CDK14: variants seen among roughly 807,000 people sequenced by gnomAD.
CDK14 encodes cyclin-dependent kinase 14.
A neutral mutation model predicts 60.7 loss-of-function variants in CDK14; 34 were observed. That is an observed-to-expected ratio of 0.56 (90% CI 0.43 to 0.75). The LOEUF (loss-of-function observed/expected upper bound fraction) is 0.75, where lower values mean the gene tolerates loss of function less well. CDK14 is among the 30% of genes least tolerant of loss of function. The pLI is 0.00. For synonymous variants in CDK14, 197 were observed against 203.7 expected, an observed-to-expected ratio of 0.97 and a Z score of 0.28; for missense variants, 482 against 564.1, an observed-to-expected ratio of 0.85 and a Z score of 1.47.
In CDK14 at chr7:90,792,423, G is replaced by T. The variant is rs375532550; in HGVS notation, c.544+1771G>T. ...CACTACCAACTGAGATTCATTTCAG[G>T]AATACAAGGCTAGTTTAATCTTTAA... On this transcript the variant is annotated intron_variant, in intron 5 of 14. Transcript: ENST00000380050. Among the ~76,000 whole-genome samples the T allele has an allele frequency of 2.6e-5, 4 of 152,172 alleles. No homozygotes were observed. The East Asian group carries it at 7.7e-4, about 29-fold the overall frequency.
intron 10 of CDK14, among the ~76,000 whole-genome samples, chr7:91,009,364 G>A (rs1796086076): frequency 6.6e-6 from 1 of 152,132 alleles, no homozygotes; most frequent in Admixed American, 6.5e-5. Context: ...TATGGGACAT[G>A]TTTTGTCTTC....
chr7:90,709,527 T>A, intron 2 of CDK14: 13 of 1,612,412 alleles, frequency 8.1e-6, no homozygotes, highest in African/African-American at 1.3e-5. Flanking sequence ...GTGTTGTGAA[T>A]TGCCTTGACA....
chr7:90,847,603 G>A (rs1312033401), intron 5 of CDK14, among the ~76,000 whole-genome samples: 1 of 151,952 alleles, frequency 6.6e-6, no homozygotes, highest in Non-Finnish European at 1.5e-5. Context: ...TCAACTTGAT[G>A]TTTTTCCCCA....
chr7:91,195,764 C>G (rs181015527), intron 14 of CDK14, among the ~76,000 whole-genome samples: 312 of 152,318 alleles, frequency 2.0e-3, no homozygotes, highest in Non-Finnish European at 3.4e-3. Context: ...AACTGTATGA[C>G]TGCCCTTGGG....
chr7:90,658,516 T>A (rs918859420), intron 2 of CDK14, among the ~76,000 whole-genome samples: 8 of 152,288 alleles, frequency 5.3e-5, no homozygotes, highest in African/African-American at 1.9e-4. Context: ...AACATACGGA[T>A]TTTGGAGCGA....
intron 14 of CDK14, among the ~76,000 whole-genome samples, chr7:91,203,124 TA>T (rs34109717): frequency 0.18 from 26,985 of 148,884 alleles, 2,443 homozygotes; most frequent in East Asian, 0.3. Flanking sequence ...GTCATGGAGT[TA>T]AAAAAAAAAA....
intron 2 of CDK14, among the ~76,000 whole-genome samples, chr7:90,613,726 C>T (rs986698672): frequency 3.3e-5 from 5 of 151,972 alleles, no homozygotes; most frequent in Admixed American, 6.6e-5. Context: ...TGACCTTTGA[C>T]GTAGGAAGTC....
chr7:91,138,264 G>A (rs1264327906), intron 14 of CDK14, among the ~76,000 whole-genome samples: 1 of 151,972 alleles, frequency 6.6e-6, no homozygotes, highest in South Asian at 2.1e-4. Context: ...ATTTATTTTT[G>A]TAGAAAGAAA....
chr7:91,012,825 GA>G (rs1274178659), intron 10 of CDK14, among the ~76,000 whole-genome samples: 2 of 152,176 alleles, frequency 1.3e-5, no homozygotes, highest in African/African-American at 4.8e-5. Context: ...TAAAGATAGA[GA>G]GTCATTTACA....
chr7:90,668,863 C>T (rs117337366), intron 2 of CDK14, among the ~76,000 whole-genome samples: 2,201 of 151,212 alleles, frequency 0.015, 27 homozygotes, highest in Non-Finnish European at 0.022. Flanking sequence ...TGCGTGCCAC[C>T]GTGCCTGGCT....
chr7:90,696,337 T>TTCTTCTTCTTC (rs1554435998), intron 2 of CDK14, among the ~76,000 whole-genome samples: 1,205 of 109,720 alleles, frequency 0.011, 9 homozygotes, highest in East Asian at 0.028. Flanking sequence ...CTTCTTCTTC[T>TTCTTCTTCTTC]TTTTTTTTTT....
chr7:91,108,494 T>G (rs1799376682), intron 12 of CDK14, among the ~76,000 whole-genome samples: 1 of 152,352 alleles, frequency 6.6e-6, no homozygotes, highest in African/African-American at 2.4e-5. Flanking sequence ...ATAATACTTG[T>G]ATGTTTTTAA....
chr7:90,931,077 A>T (rs1793578481), intron 8 of CDK14, among the ~76,000 whole-genome samples: 1 of 152,208 alleles, frequency 6.6e-6, no homozygotes. Context: ...ACAGATAAGT[A>T]AGTTTTGCTA....
rs1803020755 is a variant in CDK14, at chr7:91,210,094, A to G, written c.*2958A>G. Reference sequence around the variant, plus strand: ...TGGGGTAGATTATTGCCTGCCCCTTATACATAGGAATATGCTGCATAATTG... The same window carrying G: ...TGGGGTAGATTATTGCCTGCCCCTTGTACATAGGAATATGCTGCATAATTG... On this transcript the variant is annotated 3_prime_UTR_variant, in exon 15 of 15. Transcript: ENST00000380050. 6.6e-6 allele frequency: 1 copy of G among 152,650 alleles called. No individual in the cohort carries two copies. Among genetic ancestry groups the G allele is most frequent in the Non-Finnish European group, 1.5e-5 (1 of 68,032 alleles). The allele number at this position is 152,650 out of a possible 1,614,324, so 9.5% of individuals were successfully genotyped here. A position where few individuals can be genotyped will look rare whatever the true frequency, so the allele number is the denominator to read the frequency against.
At chr7:91,089,009 G>A (rs1182307620) in intron 12 of CDK14, among the ~76,000 whole-genome samples, 1 of 152,130 alleles carries the variant, frequency 6.6e-6, no homozygotes, top group Non-Finnish European at 1.5e-5. Flanking sequence ...TAAAGATGAA[G>A]GGTAGTTCTC....
At chr7:90,886,757 A>G (rs1354493520) in intron 6 of CDK14, among the ~76,000 whole-genome samples, 1 of 152,220 alleles carries the variant, frequency 6.6e-6, no homozygotes, top group Non-Finnish European at 1.5e-5. Context: ...TTTGCCAAAT[A>G]TATCAGGGTC....
At chr7:90,962,411 G>A (rs758190031) in intron 9 of CDK14, among the ~76,000 whole-genome samples, 4 of 152,098 alleles carry the variant, frequency 2.6e-5, no homozygotes, top group Non-Finnish European at 4.4e-5. Flanking sequence ...TCTTGAACCC[G>A]GGAGGCAGAG....
intron 4 of CDK14, among the ~76,000 whole-genome samples, chr7:90,751,478 T>C (rs2116825044): frequency 6.6e-6 from 1 of 152,004 alleles, no homozygotes; most frequent in East Asian, 1.9e-4. Flanking sequence ...GCTGAGGGAA[T>C]TTCTTACCAC....
intron 2 of CDK14, among the ~76,000 whole-genome samples, chr7:90,667,835 C>T (rs1271842385): frequency 1.3e-5 from 2 of 152,176 alleles, no homozygotes; most frequent in Admixed American, 1.3e-4. Flanking sequence ...TCCCAAAGTG[C>T]TGGGATTACA....
Sources: allele counts gnomAD v4.1 joint callset (sites outside exome capture counted in the v4.1 genomes callset), GRCh38; gene constraint gnomAD v4.1.1; transcripts MANE v1.5; gene names NCBI Gene and HGNC (gene_info 2026-07-23, HGNC 2026-07-21).